HDAC9: variants seen among roughly 807,000 people sequenced by gnomAD.
HDAC9 encodes the protein MEF-2 interacting transcription repressor (MITR) protein.
A neutral mutation model predicts 139.4 loss-of-function variants in HDAC9; 41 were observed. The observed-to-expected ratio is 0.29, with a 90% CI of 0.23 to 0.38. The LOEUF (loss-of-function observed/expected upper bound fraction) is 0.38, where lower values mean the gene tolerates loss of function less well. HDAC9 is among the 10% of genes least tolerant of loss of function. The pLI is 1.00. For missense variants in HDAC9, 1,147 were observed against 1,297.0 expected, an observed-to-expected ratio of 0.88 and a Z score of 1.78; for synonymous variants, 517 against 476.2, an observed-to-expected ratio of 1.09 and a Z score of -1.12.
intron 19 of HDAC9, among the ~76,000 whole-genome samples, chr7:18,835,095 A>G (rs1796137801): frequency 6.6e-6 from 1 of 152,206 alleles, no homozygotes; most frequent in Admixed American, 6.5e-5. Context: ...TCCATAAAAC[A>G]GGATGCAAGA....
intron 1 of HDAC9, among the ~76,000 whole-genome samples, chr7:18,159,451 A>G (rs941397842): frequency 6.6e-6 from 1 of 152,080 alleles, no homozygotes; most frequent in East Asian, 1.9e-4. Flanking sequence ...TTGACCACTG[A>G]CCCTTCTTTC....
At position 18,497,922 on chromosome 7, in the gene HDAC9, T is replaced by C. The variant is rs374475931; in HGVS notation, c.22+1598T>C. ...AAGCTTTGCTTTTTTCTCCACATCT[T>C]TGATAATCACATACAGCTTTACACC... On this transcript the variant is annotated intron_variant, in intron 2 of 25. Coordinates refer to ENST00000686413, the MANE Select transcript of HDAC9 (RefSeq NM_178425.4). 5.3e-4 allele frequency among the ~76,000 whole-genome samples: 81 copies of C among 152,242 alleles called. 1 individual carries two copies. The highest frequency in any genetic ancestry group is 1.8e-3 in the African/African-American group (76 of 41,558).
intron 23 of HDAC9, among the ~76,000 whole-genome samples, chr7:18,939,924 G>T (rs1051970310): frequency 6.6e-6 from 1 of 152,160 alleles, no homozygotes; most frequent in Non-Finnish European, 1.5e-5. Flanking sequence ...CCATTAGAAA[G>T]GTCAAGAGGG....
At chr7:18,381,533 G>T (rs1273894967) in intron 1 of HDAC9, among the ~76,000 whole-genome samples, 1 of 152,020 alleles carries the variant, frequency 6.6e-6, no homozygotes, top group African/African-American at 2.4e-5. Context: ...TAGTGGCAAT[G>T]ATGGGATAAA....
chr7:18,165,012 G>A (rs1361524774), intron 2 of HDAC9, among the ~76,000 whole-genome samples: 1 of 152,166 alleles, frequency 6.6e-6, no homozygotes, highest in Non-Finnish European at 1.5e-5. Flanking sequence ...CCCTTTCATG[G>A]GAGAGACAAA....
At chr7:18,737,624 C>G (rs1376149022) in intron 13 of HDAC9, among the ~76,000 whole-genome samples, 1 of 152,110 alleles carries the variant, frequency 6.6e-6, no homozygotes, top group Non-Finnish European at 1.5e-5. Flanking sequence ...GTCTGACAAA[C>G]AGTTTATTGT....
In HDAC9 at chr7:18,739,678, C is replaced by T. The variant is rs187723462; in HGVS notation, c.1910-9327C>T. On this transcript the variant is annotated intron_variant, in intron 13 of 25. Coordinates refer to ENST00000686413, the MANE Select transcript of HDAC9 (RefSeq NM_178425.4). Reference sequence around the variant, plus strand: ...GCAGCTGCCTATATGAGGTGTCTGTCGGTCCCTACTGGGAGATGTCTCCCA... The same window carrying T: ...GCAGCTGCCTATATGAGGTGTCTGTTGGTCCCTACTGGGAGATGTCTCCCA... Among the ~76,000 whole-genome samples the T allele has an allele frequency of 1.3e-3, 198 of 152,268 alleles. 1 individual carries two copies. Among genetic ancestry groups the T allele is most frequent in the Admixed American group, 2.7e-3 (42 of 15,300 alleles).
chr7:18,157,245 C>G (rs1562686985), intron 1 of HDAC9, among the ~76,000 whole-genome samples: 3 of 152,180 alleles, frequency 2.0e-5, no homozygotes, highest in Non-Finnish European at 4.4e-5. Flanking sequence ...AGTGCTTATA[C>G]AGGTGTTCAT....
chr7:18,824,707 C>T (rs1481610146), intron 17 of HDAC9, among the ~76,000 whole-genome samples: 1 of 152,186 alleles, frequency 6.6e-6, no homozygotes, highest in Non-Finnish European at 1.5e-5. Flanking sequence ...ATAGTGAGAG[C>T]TCTCTTTGTG....
chr7:18,583,762 A>C (rs1429378167), intron 2 of HDAC9, among the ~76,000 whole-genome samples: 1 of 152,068 alleles, frequency 6.6e-6, no homozygotes, highest in Non-Finnish European at 1.5e-5. Context: ...CAGCCTAAAA[A>C]ATCTTTCAGT....
intron 1 of HDAC9, among the ~76,000 whole-genome samples, chr7:18,383,296 T>C (rs1170617918): frequency 6.6e-6 from 1 of 152,224 alleles, no homozygotes; most frequent in Non-Finnish European, 1.5e-5. Flanking sequence ...TCTTTCCCCA[T>C]ATTGTTACCA....
chr7:18,554,477 A>G (rs1487117956), intron 2 of HDAC9, among the ~76,000 whole-genome samples: 1 of 151,888 alleles, frequency 6.6e-6, no homozygotes, highest in East Asian at 1.9e-4. Context: ...CTGGGACTAC[A>G]GGCGCCCGCC....
chr7:18,934,349 A>C (rs1269686034), intron 22 of HDAC9, among the ~76,000 whole-genome samples: 1 of 152,114 alleles, frequency 6.6e-6, no homozygotes, highest in Admixed American at 6.6e-5. Context: ...GGAAAAGTAC[A>C]GATTAACCCC....
At chr7:18,359,213 G>T (rs1371892565) in intron 1 of HDAC9, among the ~76,000 whole-genome samples, 2 of 152,034 alleles carry the variant, frequency 1.3e-5, no homozygotes, top group African/African-American at 4.8e-5. Flanking sequence ...AAAGGTAGCC[G>T]GGCGTGGTGG....
chr7:18,786,636 TCCTTTCTTCCCTCCTTCTTTCCTC>T, intron 16 of HDAC9, among the ~76,000 whole-genome samples: 2 of 111,684 alleles, frequency 1.8e-5, no homozygotes, highest in African/African-American at 3.5e-5. Flanking sequence ...CCTCCTTCCT[TCCTTTCTTCCCTCCTTCTTTCCTC>T]CCTTCCTCCC....
intron 17 of HDAC9, among the ~76,000 whole-genome samples, chr7:18,822,957 A>C (rs572977443): frequency 1.2e-4 from 19 of 152,240 alleles, no homozygotes; most frequent in Non-Finnish European, 2.5e-4. Context: ...TTCTGCTATA[A>C]CATTATGATA....
intron 1 of HDAC9, among the ~76,000 whole-genome samples, chr7:18,110,159 G>A (rs1033319669): frequency 5.9e-5 from 9 of 152,284 alleles, no homozygotes; most frequent in South Asian, 2.1e-4. Flanking sequence ...CTTCTTGGAC[G>A]TGCACTTTCT....
chr7:18,982,613 GT>G (rs1785031163), intron 25 of HDAC9, among the ~76,000 whole-genome samples: 1 of 151,936 alleles, frequency 6.6e-6, no homozygotes, highest in Non-Finnish European at 1.5e-5. Context: ...CCTCCAAAAA[GT>G]TTGCTTCTGC....
chr7:18,268,937 A>G (rs1003519120), intron 2 of HDAC9, among the ~76,000 whole-genome samples: 1 of 152,200 alleles, frequency 6.6e-6, no homozygotes, highest in African/African-American at 2.4e-5. Flanking sequence ...TGCTGTGGTT[A>G]TTTGAACAAA....
Sources: gnomAD v4.1 joint callset for allele counts (sites outside exome capture counted in the v4.1 genomes callset) on GRCh38, gnomAD v4.1.1 for gene constraint, MANE v1.5 for transcripts, NCBI Gene and HGNC (gene_info 2026-07-23, HGNC 2026-07-21) for gene names.